The following CLPTM1L variants were observed in gnomAD, a reference collection of about 807,000 sequenced individuals.
The protein encoded by CLPTM1L is CLPTM1 like, also known as lipid scramblase CLPTM1L.
Under a neutral mutation model 70.9 loss-of-function variants are expected in CLPTM1L, and 38 were observed. That is an observed-to-expected ratio of 0.54 (90% CI 0.41 to 0.70). CLPTM1L has a LOEUF of 0.70. Ranked by LOEUF, CLPTM1L falls within the 30% of genes least tolerant of loss-of-function variation. CLPTM1L has a pLI of 0.00. For missense variants in CLPTM1L, 652 were observed against 705.9 expected (o/e 0.92, Z 0.87); for synonymous variants, 339 against 299.9 (o/e 1.13, Z -1.35).
In CLPTM1L at chr5:1,335,070, G is replaced by A. The variant is rs145488125; in HGVS notation, c.783C>T (p.Ser261=). 1.1e-4 allele frequency: 184 copies of A among 1,613,230 alleles called. No homozygotes were observed. The highest frequency in any genetic ancestry group is 9.9e-4 in the Middle Eastern group (6 of 6,056). The change falls in exon 6 of 17, where the codon TCC becomes TCT. Residue 261 remains serine (S), a synonymous_variant. Coordinates refer to ENST00000320895, the MANE Select transcript of CLPTM1L (RefSeq NM_030782.5). ...TGCGGCACATACCGAACTGCTGCAG[G>A]GAGTACACGGCGTCCTGCATGTGGA... ...FWIHMQDAVY[S]LQQFGFSEKD... is the part of the protein sequence containing the mutation.
At chr5:1,341,583 C>CT in intron 3 of CLPTM1L, 88 bp downstream of exon 3, 1 of 1,196,530 alleles carries the variant, frequency 8.4e-7, no homozygotes. Flanking sequence ...CACTGGAGCC[C>CT]TAGACATCGC....
chr5:1,332,518 C>T lies in CLPTM1L; in HGVS notation c.892-635G>A, dbSNP rs368711342. 1.4e-4 allele frequency among the ~76,000 whole-genome samples: 22 copies of T among 152,360 alleles called. No individual in the cohort carries two copies. The Middle Eastern group carries it at 0.01, about 71-fold the overall frequency. On this transcript the variant is annotated intron_variant, in intron 7 of 16. Coordinates refer to ENST00000320895, the MANE Select transcript of CLPTM1L (RefSeq NM_030782.5). ...ACTCCCAGGCACTCAGAACCAGTGC[C>T]GGCCGCACTCCTGGGTGCCGCCTAA... is the stretch of plus-strand genomic sequence containing the variant.
At chr5:1,331,690 C>A in intron 8 of CLPTM1L, 109 bp downstream of exon 8, 1 of 931,812 alleles carries the variant, frequency 1.1e-6, no homozygotes, top group Non-Finnish European at 1.7e-6. Context: ...CAAGCACACA[C>A]CCGGGGCTGT....
rs1222290672 is a variant in CLPTM1L at position 1,342,592 on chromosome 5, TAA to T, written c.264-734_264-733del. 2.0e-5 allele frequency among the ~76,000 whole-genome samples: 3 copies of T among 152,230 alleles called. No homozygotes were observed. The highest frequency in any genetic ancestry group is 4.4e-5 in the Non-Finnish European group (3 of 68,036). Reference sequence around the variant, plus strand: ...GGTTACATGAGTTCTTCTTCCTCTTTAAAAGTCTCTTTTTTGAGACAAGGTCT... The same window carrying T: ...GGTTACATGAGTTCTTCTTCCTCTTTAAGTCTCTTTTTTGAGACAAGGTCT... On this transcript the variant is annotated intron_variant, in intron 2 of 16. Coordinates refer to ENST00000320895, the MANE Select transcript of CLPTM1L (RefSeq NM_030782.5). This position sits in a 1 kb window ranked among gnomAD's most constrained non-coding sequence, Gnocchi z 4.3.
chr5:1,330,525 G>A (rs574614543), intron 8 of CLPTM1L, 142 bp from the exon 9 acceptor site: 10 of 624,006 alleles, frequency 1.6e-5, no homozygotes, highest in Non-Finnish European at 1.2e-5. Context: ...ACGTCACCCC[G>A]TTTAAAAAGA....
At position 1,334,331 on chromosome 5, in the gene CLPTM1L, G is replaced by A. The variant is rs757629194; in HGVS notation, c.849C>T (p.Asn283=). The change falls in exon 7 of 17, where the codon AAC becomes AAT. Residue 283 remains asparagine, a synonymous_variant. Transcript: ENST00000320895. ...DEVKGIFVDT[N]LYFLALTFFV... is the part of the protein sequence containing the mutation. The stretch of plus-strand genomic sequence containing the variant: ...AGAAGGTCAGCGCCAGGAAGTATAA[G>A]TTGGTATCTACAAAAATTCCTTTCA... 5.0e-6 allele frequency: 8 copies of A among 1,613,732 alleles called. No individual in the cohort carries two copies. Among genetic ancestry groups the A allele is most frequent in the Non-Finnish European group, 4.2e-6 (5 of 1,179,810 alleles).
intron 7 of CLPTM1L, 127 bp from the exon 8 acceptor site, chr5:1,332,010 A>G (rs1039525163): frequency 1.9e-5 from 14 of 755,640 alleles, no homozygotes; most frequent in Non-Finnish European, 3.2e-5. Flanking sequence ...GCATCAGGAT[A>G]AGTGTCTACA....
In CLPTM1L at chr5:1,342,005, G is replaced by A. The variant is rs544566022; in HGVS notation, c.264-145C>T. ...GAAACCCACCTGCCCAGGGCTTTACGAGTCGTGTGTGTGTGTGTGTGTGTG... is the reference window on the plus strand; with the variant it reads ...GAAACCCACCTGCCCAGGGCTTTACAAGTCGTGTGTGTGTGTGTGTGTGTG... On this transcript the variant is annotated intron_variant, in intron 2 of 16. Coordinates refer to ENST00000320895, the MANE Select transcript of CLPTM1L (RefSeq NM_030782.5). This position sits in a 1 kb window ranked among gnomAD's most constrained non-coding sequence, Gnocchi z 4.3. 20 of 622,890 alleles carry A rather than the reference G, an allele frequency of 3.2e-5. No homozygotes were observed. Among genetic ancestry groups the A allele is most frequent in the African/African-American group, 6.2e-5 (3 of 48,046 alleles). The allele number at this position is 622,890 out of a possible 1,614,324, so 38.6% of individuals were successfully genotyped here. A position where few individuals can be genotyped will look rare whatever the true frequency, so the allele number is the denominator to read the frequency against.
intron 15 of CLPTM1L, among the ~76,000 whole-genome samples, chr5:1,321,047 C>A (rs958893823): frequency 6.6e-6 from 1 of 152,198 alleles, no homozygotes; most frequent in Non-Finnish European, 1.5e-5. Flanking sequence ...GGCAGAGCCA[C>A]CTGAGACCAG....
chr5:1,326,084 G>A (rs947667326), intron 9 of CLPTM1L: 1 of 477,110 alleles, frequency 2.1e-6, no homozygotes. Context: ...AGTTCTTTAC[G>A]CCACTCTGCC....
intron 13 of CLPTM1L, 128 bp downstream of exon 13, chr5:1,322,749 G>T (rs985689675): frequency 3.1e-6 from 3 of 955,720 alleles, no homozygotes; most frequent in South Asian, 2.6e-5. Flanking sequence ...ACATGTGCCA[G>T]AACAGGGTGG....
In CLPTM1L at chr5:1,330,369, A is replaced by C. The variant is rs770757710; in HGVS notation, c.991T>G (p.Phe331Val). The C allele has an allele frequency of 1.9e-6, 3 of 1,612,664 alleles. No individual in the cohort carries two copies. The African/African-American group carries it at 4.0e-5, about 22-fold the overall frequency. The stretch of plus-strand genomic sequence containing the variant: ...AACAGAAAGATGACCACGGTGCTGA[A>C]GCAGCGCCAGAGCACTGGGGACAGG... ...MSTKAVLWRC[F>V]STVVIFLFLL... is the part of the protein sequence containing the mutation. Residue 331 changes from phenylalanine to valine, a missense_variant, in exon 9 of 17, where the codon TTC becomes GTC. Physicochemically the swap from Phe to Val is conservative, Grantham distance 50. This residue lies in a region of CLPTM1L where 240 missense variants were observed against 295.0 expected (regional missense o/e 0.81). Transcript: ENST00000320895.
intron 16 of CLPTM1L, chr5:1,320,309 A>G (rs1752076725): frequency 3.5e-6 from 1 of 286,746 alleles, no homozygotes; most frequent in East Asian, 6.9e-5. Context: ...AATAGCAATG[A>G]CTGTGAATAG....
chr5:1,335,166 G>T lies in CLPTM1L; in HGVS notation c.687C>A (p.Asn229Lys). ...SNRVKDLMVI[N>K]RSTTELPLTV... ...TGAGGGGCAGCTCGGTGGTGGAGCG[G>T]TTTATGACCTGATGAAGAAAGCCAC... The change falls in exon 6 of 17, where the codon AAC (asparagine) becomes AAA (lysine). Residue 229 changes from asparagine to lysine, a missense_variant. Physicochemically the swap from Asn to Lys is moderately conservative, Grantham distance 94. Around this residue, in one of 3 missense-constraint regions of CLPTM1L, gnomAD observed 402 missense variants for 388.2 expected, o/e 1.04. Coordinates refer to ENST00000320895, the MANE Select transcript of CLPTM1L (RefSeq NM_030782.5). 1 of 1,612,994 alleles carries T rather than the reference G, an allele frequency of 6.2e-7. No homozygotes were observed. Among genetic ancestry groups the T allele is most frequent in the Non-Finnish European group, 8.5e-7 (1 of 1,179,482 alleles).
intron 7 of CLPTM1L, 144 bp from the exon 8 acceptor site, chr5:1,332,027 AC>A (rs1753127751): frequency 7.2e-6 from 5 of 691,266 alleles, no homozygotes; most frequent in Non-Finnish European, 1.3e-5. Context: ...TACACTCGGG[AC>A]CCATGCCTCT....
At chr5:1,330,242 TGG>T (rs1049677366) in intron 9 of CLPTM1L, 36 bp downstream of exon 9, 12 of 1,546,410 alleles carry the variant, frequency 7.8e-6, no homozygotes, top group Non-Finnish European at 1.1e-5. Context: ...TGGAGGCACA[TGG>T]ACCTCAGACA....
intron 2 of CLPTM1L, among the ~76,000 whole-genome samples, chr5:1,344,057 C>A (rs1004105091): frequency 6.6e-6 from 1 of 152,258 alleles, no homozygotes; most frequent in African/African-American, 2.4e-5. Flanking sequence ...CTGCTCTCCA[C>A]TGGTTCACCA....
intron 4 of CLPTM1L, chr5:1,338,191 G>T: frequency 1.7e-6 from 1 of 596,686 alleles, no homozygotes; most frequent in Non-Finnish European, 3.0e-6. Flanking sequence ...CCGCTCCCCA[G>T]GAAGTGATGG....
In CLPTM1L at chr5:1,326,558, A is replaced by G. The variant is rs368730343; in HGVS notation, c.1081-742T>C. On this transcript the variant is annotated intron_variant, in intron 9 of 16. Transcript: ENST00000320895. ...ATTTCATCCAGCTCCTCCTCTAGAC[A>G]CATTCCATCCAGCTCCTCCTCTACA... 100 of 269,750 alleles carry G rather than the reference A, an allele frequency of 3.7e-4. 1 individual carries two copies. Among genetic ancestry groups the G allele is most frequent in the African/African-American group, 2.2e-3 (86 of 39,994 alleles). The allele number at this position is 269,750 out of a possible 1,614,324, so 16.7% of individuals were successfully genotyped here.
Sources: allele counts gnomAD v4.1 joint callset (sites outside exome capture counted in the v4.1 genomes callset), GRCh38; gene constraint gnomAD v4.1.1; regional missense constraint gnomAD v4.1.1; non-coding constraint Gnocchi (gnomAD v3.1); transcripts MANE v1.5; gene names NCBI Gene and HGNC (gene_info 2026-07-23, HGNC 2026-07-21).